The following L3HYPDH variants were observed in gnomAD, a reference collection of about 807,000 sequenced individuals.
The protein encoded by L3HYPDH is trans-L-3-hydroxyproline dehydratase.
In L3HYPDH, 32 loss-of-function variants were observed where a neutral mutation model predicts 26.5. The ratio of observed to expected loss-of-function variants is 1.21; its 90% confidence interval spans 0.91 to 1.62. The LOEUF (loss-of-function observed/expected upper bound fraction) is 1.62, where lower values mean the gene tolerates loss of function less well. Among genes scored for constraint, L3HYPDH ranks in the 40% most tolerant of loss-of-function variants. The pLI, the probability that L3HYPDH is intolerant of heterozygous loss-of-function variation, is 0.00. For synonymous variants in L3HYPDH, 215 were observed against 196.6 expected, an observed-to-expected ratio of 1.09 and a Z score of -0.78; for missense variants, 554 against 476.4, an observed-to-expected ratio of 1.16 and a Z score of -1.52.
chr14:59,495,130 G>A, the L3HYPDH span: 2 of 1,613,240 alleles, frequency 1.2e-6, no homozygotes, highest in Non-Finnish European at 8.5e-7. Flanking sequence ...TTCATGTCGA[G>A]TATTGATGCT....
rs771982878 is a variant in L3HYPDH, at chr14:59,484,368, G to A, written c.-52C>T. 10 of 1,520,742 alleles carry A rather than the reference G, an allele frequency of 6.6e-6. No individual in the cohort carries two copies. The highest frequency in any genetic ancestry group is 2.3e-4 in the Middle Eastern group (1 of 4,282). 94.2% of individuals were successfully genotyped at this position (1,520,742 alleles called of 1,614,324 possible). A position where few individuals can be genotyped will look rare whatever the true frequency, so the allele number is the denominator to read the frequency against. On this transcript the variant is annotated 5_prime_UTR_variant, in exon 1 of 5. Coordinates refer to ENST00000247194, the MANE Select transcript of L3HYPDH (RefSeq NM_144581.2). ...GTCCCGCAGCTATGGCTTCAAGCCCGACCCTCACCCACTGACTCCGCGGGA... is the reference window on the plus strand; with the variant it reads ...GTCCCGCAGCTATGGCTTCAAGCCCAACCCTCACCCACTGACTCCGCGGGA...
the L3HYPDH span, among the ~76,000 whole-genome samples, chr14:59,499,202 T>C: frequency 6.6e-6 from 1 of 151,644 alleles, no homozygotes; most frequent in Admixed American, 6.6e-5. Context: ...TTTTGTATTT[T>C]TTTTTAGTAG....
Position 59,484,378 on chromosome 14 carries a change from C to T in L3HYPDH, c.-62G>A, listed in dbSNP as rs1225993612. 11 of 1,501,158 alleles carry T rather than the reference C, an allele frequency of 7.3e-6. No individual in the cohort carries two copies. In the Admixed American group the frequency reaches 1.7e-4, roughly 23 times the overall value. 93.0% of individuals were successfully genotyped at this position (1,501,158 alleles called of 1,614,324 possible). ...TATGGCTTCAAGCCCGACCCTCACC[C>T]ACTGACTCCGCGGGAGGAGGGCGGG... is the stretch of plus-strand genomic sequence containing the variant. On this transcript the variant is annotated 5_prime_UTR_variant, in exon 1 of 5. Coordinates refer to ENST00000247194, the MANE Select transcript of L3HYPDH (RefSeq NM_144581.2).
upstream of L3HYPDH, chr14:59,487,851 A>G (rs1328101652): frequency 1.9e-6 from 3 of 1,604,096 alleles, no homozygotes. Context: ...CTATGAACAT[A>G]TCTGGCTGGA....
the L3HYPDH span, among the ~76,000 whole-genome samples, chr14:59,496,281 C>T: frequency 6.6e-6 from 1 of 150,680 alleles, no homozygotes; most frequent in Non-Finnish European, 1.5e-5. Context: ...ATATAAAATA[C>T]TATATAAAAC....
the L3HYPDH span, chr14:59,505,187 A>T: frequency 2.1e-6 from 2 of 963,426 alleles, no homozygotes; most frequent in African/African-American, 3.3e-5. Context: ...AAGTGCACTC[A>T]CTTTTCCTGT....
At chr14:59,499,015 CTTTTTTTTTTTTTTT>C in the L3HYPDH span, 42 of 127,280 alleles carry the variant, frequency 3.3e-4, 3 homozygotes, top group Middle Eastern at 5.6e-3. Flanking sequence ...TTGTTTAATC[CTTTTTTTTTTTTTTT>C]TTTTTTTTTT....
chr14:59,465,598 T>A (rs1440180959), intron 1 of L3HYPDH, among the ~76,000 whole-genome samples: 1 of 152,216 alleles, frequency 6.6e-6, no homozygotes, highest in Non-Finnish European at 1.5e-5. Flanking sequence ...AATGACCAGA[T>A]TCAACGAAAG....
chr14:59,483,296 G>T (rs553887844), intron 1 of L3HYPDH, among the ~76,000 whole-genome samples: 1 of 152,162 alleles, frequency 6.6e-6, no homozygotes, highest in East Asian at 1.9e-4. Context: ...AGCAACATTC[G>T]TATCTTAATG....
chr14:59,485,910 C>G (rs1350535538), upstream of L3HYPDH: 1 of 152,092 alleles, frequency 6.6e-6, no homozygotes, highest in Non-Finnish European at 1.5e-5. Flanking sequence ...GCCACCTCAC[C>G]GAGCCTGTTT....
chr14:59,502,176 T>C, the L3HYPDH span, among the ~76,000 whole-genome samples: 1 of 152,168 alleles, frequency 6.6e-6, no homozygotes, highest in Non-Finnish European at 1.5e-5. Context: ...TTTATTATTG[T>C]TACTAATATA....
rs1889474916 is a variant in L3HYPDH, at chr14:59,474,319, C to A, written c.940-1229G>T. On this transcript the variant is annotated intron_variant, in intron 4 of 4. Transcript: ENST00000247194. ...TCACACATACACAGTAGGCAAAGAG[C>A]CAGAAAATTAGCTTAAAAGCAGCTT... is the stretch of plus-strand genomic sequence containing the variant. 72 of 538,842 alleles carry A rather than the reference C, an allele frequency of 1.3e-4. No individual in the cohort carries two copies. The South Asian group carries it at 1.7e-3, about 13-fold the overall frequency. 33.4% of individuals were successfully genotyped at this position (538,842 alleles called of 1,614,324 possible). A position where few individuals can be genotyped will look rare whatever the true frequency, so the allele number is the denominator to read the frequency against.
At chr14:59,503,971 C>T in the L3HYPDH span, 6 of 1,613,480 alleles carry the variant, frequency 3.7e-6, no homozygotes, top group Non-Finnish European at 5.1e-6. Context: ...GCAAGATTTG[C>T]CCCTTTTGGC....
chr14:59,481,717 T>C (rs987337716), intron 1 of L3HYPDH, among the ~76,000 whole-genome samples: 3 of 151,186 alleles, frequency 2.0e-5, no homozygotes, highest in Non-Finnish European at 4.4e-5. Context: ...TGCTTTAAAA[T>C]ACACTAAGCA....
At chr14:59,494,902 G>C in the L3HYPDH span, 1 of 712,662 alleles carries the variant, frequency 1.4e-6, no homozygotes, top group East Asian at 2.7e-5. Context: ...TACTCGAGTA[G>C]TTTTTGACTT....
intron 1 of L3HYPDH, among the ~76,000 whole-genome samples, chr14:59,481,574 T>C (rs1265824600): frequency 6.6e-6 from 1 of 152,238 alleles, no homozygotes; most frequent in Admixed American, 6.5e-5. Context: ...AAATTTCAAT[T>C]TGATTTACTT....
chr14:59,473,273 A>G (rs560095600), intron 4 of L3HYPDH, among the ~76,000 whole-genome samples, 183 bp from the exon 5 acceptor site: 1 of 152,312 alleles, frequency 6.6e-6, no homozygotes, highest in East Asian at 1.9e-4. Context: ...GTAGCTGTAA[A>G]GTGGGGATCA....
chr14:59,473,350 T>C (rs1423508812), intron 4 of L3HYPDH, among the ~76,000 whole-genome samples: 11 of 152,174 alleles, frequency 7.2e-5, no homozygotes, highest in South Asian at 6.2e-4. Flanking sequence ...CACTGAATGA[T>C]TGATTCCAGA....
downstream of L3HYPDH, among the ~76,000 whole-genome samples, chr14:59,469,796 C>G (rs181190627): frequency 3.9e-5 from 6 of 152,122 alleles, no homozygotes; most frequent in East Asian, 1.2e-3. Context: ...TCTTGGTTGT[C>G]CTCTAAGTAC....
Sources: gnomAD v4.1 joint callset for allele counts (sites outside exome capture counted in the v4.1 genomes callset) on GRCh38, gnomAD v4.1.1 for gene constraint, MANE v1.5 for transcripts, NCBI Gene and HGNC (gene_info 2026-07-23, HGNC 2026-07-21) for gene names.